Variants in VPS13A observed in about 807,000 individuals in gnomAD.
VPS13A encodes vacuolar protein sorting 13 homolog A.
VPS13A carries 264 observed loss-of-function variants against 390.9 expected under a neutral mutation model. The ratio of observed to expected loss-of-function variants is 0.68; its 90% CI spans 0.61 to 0.75. The LOEUF is 0.75. VPS13A is among the 30% of genes least tolerant of loss of function. VPS13A has a pLI of 0.00. For synonymous variants in VPS13A, 1,231 were observed against 1,227.1 expected (o/e 1.00, Z -0.07); for missense variants, 3,409 against 3,733.9 (o/e 0.91, Z 2.27).
intron 67 of VPS13A, among the ~76,000 whole-genome samples, chr9:77,371,794 C>T (rs1315251782): frequency 7.2e-6 from 1 of 138,056 alleles, no homozygotes; most frequent in Non-Finnish European, 1.6e-5. Context: ...TCTCCCAATG[C>T]TATCCCTCCC....
chr9:77,313,942 G>T (rs371913513), intron 35 of VPS13A, 50 bp from the exon 36 acceptor site: 1 of 1,562,032 alleles, frequency 6.4e-7, no homozygotes. Context: ...ATTTTAATGA[G>T]CTACTTTTCA....
chr9:77,270,680 G>A (rs1826299336), intron 23 of VPS13A, among the ~76,000 whole-genome samples: 1 of 151,716 alleles, frequency 6.6e-6, no homozygotes, highest in South Asian at 2.1e-4. Flanking sequence ...GACAGAAGGA[G>A]AATCTGTCTC....
At chr9:77,196,522 A>G (rs927701616) in intron 1 of VPS13A, among the ~76,000 whole-genome samples, 2 of 152,060 alleles carry the variant, frequency 1.3e-5, no homozygotes, top group Non-Finnish European at 2.9e-5. Flanking sequence ...CCACTATTCT[A>G]TACACTACTT....
At position 77,352,267 on chromosome 9, in the gene VPS13A, C is replaced by T. The variant is rs1257380754; in HGVS notation, c.7419+821C>T. Among the ~76,000 whole-genome samples, 36 of 152,084 alleles carry T rather than the reference C, an allele frequency of 2.4e-4. 1 individual carries two copies. Among genetic ancestry groups the T allele is most frequent in the Admixed American group, 2.4e-3 (36 of 15,264 alleles). ...TTTCTGGTAACATTTTAAATACTTT[C>T]AGAAAATTTTTAAAAGTTTTTAATC... is the stretch of plus-strand genomic sequence containing the variant. On this transcript the variant is annotated intron_variant, in intron 53 of 71. Coordinates refer to ENST00000360280, the MANE Select transcript of VPS13A (RefSeq NM_033305.3).
intron 71 of VPS13A, among the ~76,000 whole-genome samples, chr9:77,409,411 C>T (rs1326683283): frequency 3.9e-5 from 6 of 152,276 alleles, no homozygotes; most frequent in South Asian, 2.1e-4. Flanking sequence ...TCCAAAGGAA[C>T]GCAGCTCCTC....
chr9:77,321,838 T>C, intron 44 of VPS13A, 92 bp downstream of exon 44: 1 of 1,465,000 alleles, frequency 6.8e-7, no homozygotes. Context: ...CTTAGCAAGG[T>C]TTTTTTTGTT....
Position 77,356,821 on chromosome 9 carries a change from C to A in VPS13A, c.7760C>A (p.Ser2587Tyr). The A allele has an allele frequency of 6.2e-7, 1 of 1,613,888 alleles. No homozygotes were observed. Among genetic ancestry groups the A allele is most frequent in the South Asian group, 1.1e-5 (1 of 91,066 alleles). Residue 2587 changes from serine to tyrosine, a missense_variant, in exon 55 of 72, where the codon TCT (serine) becomes TAT (tyrosine). Physicochemically the swap from Ser to Tyr is moderately radical, Grantham distance 144. Coordinates refer to ENST00000360280, the MANE Select transcript of VPS13A (RefSeq NM_033305.3). ...LEREFKEYTE[S>Y]SPSEDKVIQL... ...AGAGAATTTAAGGAATATACTGAAT[C>A]TTCTCCTTCAGAAGATAAGGTTATT...
At chr9:77,220,113 A>T (rs747262159) in intron 11 of VPS13A, 32 bp downstream of exon 11, 1 of 1,583,932 alleles carries the variant, frequency 6.3e-7, no homozygotes, top group Non-Finnish European at 8.6e-7. Context: ...TTCAATTGTG[A>T]ATTATTGTTT....
intron 45 of VPS13A, among the ~76,000 whole-genome samples, 192 bp from the exon 46 acceptor site, chr9:77,331,818 T>C (rs1246530266): frequency 6.6e-6 from 1 of 152,032 alleles, no homozygotes; most frequent in Non-Finnish European, 1.5e-5. Context: ...ATTCCTATTA[T>C]ATAAAACTAT....
intron 1 of VPS13A, among the ~76,000 whole-genome samples, chr9:77,187,220 G>A (rs1183388549): frequency 1.3e-5 from 2 of 152,150 alleles, no homozygotes; most frequent in Non-Finnish European, 2.9e-5. Context: ...TTCAGTCTGT[G>A]CTGTCAGATT....
chr9:77,280,885 C>G (rs930852760), intron 27 of VPS13A, among the ~76,000 whole-genome samples: 1 of 151,900 alleles, frequency 6.6e-6, no homozygotes, highest in African/African-American at 2.4e-5. Context: ...CAAAAGTATT[C>G]TAGACCTAAA....
At chr9:77,207,863 TTTG>T (rs532333838) in intron 5 of VPS13A, among the ~76,000 whole-genome samples, 5 of 152,164 alleles carry the variant, frequency 3.3e-5, no homozygotes, top group African/African-American at 7.2e-5. Flanking sequence ...GACTTGGATT[TTTG>T]TTGTTGTTGT....
chr9:77,216,125 C>G (rs938533405), intron 10 of VPS13A, among the ~76,000 whole-genome samples: 2 of 152,130 alleles, frequency 1.3e-5, no homozygotes, highest in African/African-American at 4.8e-5. Context: ...AGTGTCTCTC[C>G]AGTGTCCTCT....
chr9:77,233,501 T>A (rs915096446), intron 17 of VPS13A, among the ~76,000 whole-genome samples: 12 of 152,180 alleles, frequency 7.9e-5, no homozygotes, highest in African/African-American at 2.9e-4. Context: ...GTGAGGTTAT[T>A]GATTTGATAA....
intron 23 of VPS13A, among the ~76,000 whole-genome samples, chr9:77,261,649 A>C (rs1412225536): frequency 6.6e-6 from 1 of 151,832 alleles, no homozygotes; most frequent in Non-Finnish European, 1.5e-5. Context: ...CAGTGGCACA[A>C]CCTTGGCTCA....
At chr9:77,292,369 AG>A (rs1827728018) in intron 31 of VPS13A, among the ~76,000 whole-genome samples, 1 of 151,956 alleles carries the variant, frequency 6.6e-6, no homozygotes, top group South Asian at 2.1e-4. Context: ...CTCTCCCTGA[AG>A]GTACCTGTTT....
At position 77,293,199 on chromosome 9, in the gene VPS13A, A is replaced by C. The variant is rs574739045; in HGVS notation, c.3340-142A>C. 5 of 695,596 alleles carry C rather than the reference A, an allele frequency of 7.2e-6. No homozygotes were observed. The South Asian group carries it at 1.1e-4, about 15-fold the overall frequency. 43.1% of individuals were successfully genotyped at this position (695,596 alleles called of 1,614,324 possible). A position where few individuals can be genotyped will look rare whatever the true frequency, so the allele number is the denominator to read the frequency against. On this transcript the variant is annotated intron_variant, in intron 31 of 71. Coordinates refer to ENST00000360280, the MANE Select transcript of VPS13A (RefSeq NM_033305.3). ...GTTCCAATAAACCAGTTACAGTAGAATTGTTGCCTCATTTGTACTTGGCTT... is the reference window on the plus strand; with the variant it reads ...GTTCCAATAAACCAGTTACAGTAGACTTGTTGCCTCATTTGTACTTGGCTT...
At chr9:77,199,157 A>G (rs964954658) in intron 1 of VPS13A, among the ~76,000 whole-genome samples, 1 of 152,020 alleles carries the variant, frequency 6.6e-6, no homozygotes, top group African/African-American at 2.4e-5. Context: ...TTAATTTTTT[A>G]TAGCAACTTT....
rs529682325 is a variant in VPS13A at position 77,205,712 on chromosome 9, C to T, written c.284-266C>T. Among the ~76,000 whole-genome samples the T allele has an allele frequency of 1.6e-4, 24 of 152,082 alleles. No individual in the cohort carries two copies. The South Asian group carries it at 3.5e-3, about 22-fold the overall frequency. ...GTTCAAGCGATTCTCCTGCCTCAGC[C>T]TCCTGAGTAGCTGGGATTATAGGCG... On this transcript the variant is annotated intron_variant, in intron 4 of 71. Transcript: ENST00000360280.
Sources: allele counts gnomAD v4.1 joint callset (sites outside exome capture counted in the v4.1 genomes callset), GRCh38; gene constraint gnomAD v4.1.1; transcripts MANE v1.5; gene names NCBI Gene and HGNC (gene_info 2026-07-23, HGNC 2026-07-21).